The following KHDRBS2 variants were observed in gnomAD, a reference collection of about 807,000 sequenced individuals.
The protein encoded by KHDRBS2 is KH RNA binding domain containing, signal transduction associated 2.
In KHDRBS2, 26 loss-of-function variants were observed where a neutral mutation model predicts 44.3. The observed-to-expected ratio is 0.59, with a 90% CI of 0.43 to 0.81. The LOEUF is 0.81. Ranked by LOEUF, KHDRBS2 falls within the 40% of genes least tolerant of loss-of-function variation. The pLI, the probability that KHDRBS2 is intolerant of heterozygous loss-of-function variation, is 0.00. For missense variants in KHDRBS2, 476 were observed against 433.1 expected (o/e 1.10, Z -0.88); for synonymous variants, 194 against 151.1 (o/e 1.28, Z -2.08).
intron 7 of KHDRBS2, among the ~76,000 whole-genome samples, chr6:61,708,717 TGATA>T (rs1372598539): frequency 3.3e-5 from 5 of 151,580 alleles, no homozygotes; most frequent in Non-Finnish European, 5.9e-5. Context: ...ATAGGTATAT[TGATA>T]GATAGATAGT....
chr6:61,895,711 A>AT (rs1802813323), intron 5 of KHDRBS2, among the ~76,000 whole-genome samples: 1 of 152,006 alleles, frequency 6.6e-6, no homozygotes, highest in East Asian at 1.9e-4. Context: ...TTCACTTTTT[A>AT]TTTTGTCTGA....
chr6:61,642,204 T>C, the KHDRBS2 span, among the ~76,000 whole-genome samples: 1 of 152,182 alleles, frequency 6.6e-6, no homozygotes, highest in African/African-American at 2.4e-5. Flanking sequence ...TTATTTTTTA[T>C]ATTTTATTTG....
intron 4 of KHDRBS2, among the ~76,000 whole-genome samples, chr6:61,924,975 G>A (rs1229567660): frequency 1.3e-5 from 2 of 152,044 alleles, no homozygotes; most frequent in East Asian, 3.9e-4. Flanking sequence ...TAAAACCAAA[G>A]GCATAATATG....
At chr6:61,936,321 T>C (rs1358392261) in intron 4 of KHDRBS2, among the ~76,000 whole-genome samples, 6 of 152,076 alleles carry the variant, frequency 3.9e-5, no homozygotes, top group Admixed American at 1.3e-4. Flanking sequence ...GGCTTCAAAA[T>C]ATTCCAACAA....
chr6:62,076,391 G>C (rs921071353), intron 2 of KHDRBS2, among the ~76,000 whole-genome samples: 1 of 151,992 alleles, frequency 6.6e-6, no homozygotes, highest in African/African-American at 2.4e-5. Context: ...AGAATTGTGT[G>C]AAGATGAAGA....
intron 6 of KHDRBS2, among the ~76,000 whole-genome samples, chr6:61,792,578 GT>G (rs955228462): frequency 1.5e-4 from 23 of 150,482 alleles, no homozygotes; most frequent in South Asian, 4.2e-4. Flanking sequence ...TAGAGTGATA[GT>G]TTTTTTTTAC....
At chr6:61,982,829 GT>G (rs1774142228) in intron 3 of KHDRBS2, among the ~76,000 whole-genome samples, 1 of 152,134 alleles carries the variant, frequency 6.6e-6, no homozygotes, top group African/African-American at 2.4e-5. Flanking sequence ...ATTATAATTT[GT>G]TATGGCCTTT....
chr6:61,754,488 C>T (rs1166392163), intron 6 of KHDRBS2, among the ~76,000 whole-genome samples: 2 of 150,398 alleles, frequency 1.3e-5, no homozygotes, highest in Admixed American at 6.6e-5. Flanking sequence ...ACCTGGACAA[C>T]AAATCTGTCA....
At chr6:62,273,079 G>A (rs547014028) in intron 1 of KHDRBS2, among the ~76,000 whole-genome samples, 1 of 152,190 alleles carries the variant, frequency 6.6e-6, no homozygotes, top group East Asian at 1.9e-4. Flanking sequence ...AAGAAATAAT[G>A]GACTTAGGGA....
At chr6:61,775,499 C>G (rs1191636374) in intron 6 of KHDRBS2, among the ~76,000 whole-genome samples, 4 of 152,106 alleles carry the variant, frequency 2.6e-5, no homozygotes, top group African/African-American at 9.7e-5. Context: ...ACAGCAATAA[C>G]AGACAAACAG....
At chr6:62,030,675 G>A (rs779940025) in intron 3 of KHDRBS2, among the ~76,000 whole-genome samples, 13 of 151,958 alleles carry the variant, frequency 8.6e-5, no homozygotes, top group Middle Eastern at 3.2e-3. Flanking sequence ...ATATTTAGCC[G>A]AAACATTAGT....
At chr6:61,681,353 T>A (rs1204115) in intron 8 of KHDRBS2, among the ~76,000 whole-genome samples, 1 of 151,718 alleles carries the variant, frequency 6.6e-6, no homozygotes, top group Non-Finnish European at 1.5e-5. Flanking sequence ...ATAAATAAAT[T>A]GGATATAGGA....
intron 6 of KHDRBS2, among the ~76,000 whole-genome samples, chr6:61,734,794 T>C (rs1476761049): frequency 1.3e-5 from 2 of 152,186 alleles, no homozygotes; most frequent in African/African-American, 2.4e-5. Context: ...ATTGTCCCAA[T>C]GGTCATATTA....
chr6:61,627,553 A>G, the KHDRBS2 span, among the ~76,000 whole-genome samples: 1 of 152,290 alleles, frequency 6.6e-6, no homozygotes, highest in African/African-American at 2.4e-5. Flanking sequence ...TTAGAAGAAG[A>G]AGGAGGCTGA....
chr6:61,678,624 G>A (rs1365045449), downstream of KHDRBS2, among the ~76,000 whole-genome samples: 1 of 151,814 alleles, frequency 6.6e-6, no homozygotes, highest in African/African-American at 2.4e-5. Context: ...CAAAGAAAAA[G>A]GCAGAAGATT....
chr6:61,959,366 T>C (rs1768132039), intron 4 of KHDRBS2, among the ~76,000 whole-genome samples: 1 of 152,170 alleles, frequency 6.6e-6, no homozygotes, highest in Non-Finnish European at 1.5e-5. Context: ...AGATTTCTTT[T>C]GGCATTAACA....
At chr6:62,005,043 A>G (rs771507076) in intron 3 of KHDRBS2, among the ~76,000 whole-genome samples, 2 of 151,962 alleles carry the variant, frequency 1.3e-5, no homozygotes, top group Non-Finnish European at 2.9e-5. Flanking sequence ...TTTTCCTTTA[A>G]TTTAAACAAA....
At chr6:61,965,911 C>T (rs544465398) in intron 4 of KHDRBS2, among the ~76,000 whole-genome samples, 2 of 152,078 alleles carry the variant, frequency 1.3e-5, no homozygotes, top group African/African-American at 4.8e-5. Flanking sequence ...AGTTTCCTCA[C>T]CTTTGTGTAT....
intron 6 of KHDRBS2, among the ~76,000 whole-genome samples, chr6:61,848,028 G>A (rs1162181874): frequency 6.6e-6 from 1 of 151,844 alleles, no homozygotes; most frequent in Non-Finnish European, 1.5e-5. Flanking sequence ...GTTACTGACT[G>A]GCAGCACACT....
Sources: allele counts gnomAD v4.1 joint callset (sites outside exome capture counted in the v4.1 genomes callset), GRCh38; gene constraint gnomAD v4.1.1; transcripts MANE v1.5; gene names NCBI Gene and HGNC (gene_info 2026-07-23, HGNC 2026-07-21).